Variants in LYRM4 observed in about 807,000 individuals in gnomAD.
LYRM4 encodes the protein LYR motif containing 4.
In LYRM4, 9 loss-of-function variants were observed where a neutral mutation model predicts 11.7. That is an observed-to-expected ratio of 0.77 (90% CI 0.46 to 1.34). LYRM4 has a LOEUF of 1.34. Among genes scored for constraint, LYRM4 ranks in the 40% most tolerant of loss-of-function variants. LYRM4 has a pLI of 0.00. For synonymous variants in LYRM4, 42 were observed against 40.4 expected (o/e 1.04, Z -0.15); for missense variants, 133 against 112.5 (o/e 1.18, Z -0.82).
chr6:5,091,109 A>G, the LYRM4 span, among the ~76,000 whole-genome samples: 1 of 152,200 alleles, frequency 6.6e-6, no homozygotes, highest in African/African-American at 2.4e-5. Context: ...AACTGGCAAC[A>G]CGGATTATTT....
At chr6:5,085,684 C>T in the LYRM4 span, 2 of 1,548,210 alleles carry the variant, frequency 1.3e-6, no homozygotes, top group East Asian at 2.5e-5. Flanking sequence ...AGAGGCCGCC[C>T]CCCAGGAGCA....
the LYRM4 span, among the ~76,000 whole-genome samples, chr6:5,036,360 G>C: frequency 1.3e-5 from 2 of 152,112 alleles, no homozygotes; most frequent in Non-Finnish European, 2.9e-5. Context: ...AAAAAACAGA[G>C]AGCGCCTCAG....
the LYRM4 span, chr6:5,086,658 G>A: frequency 1.8e-6 from 2 of 1,087,758 alleles, no homozygotes; most frequent in Non-Finnish European, 2.6e-6. Flanking sequence ...TTTGCTGAGC[G>A]TGGCGAGTCT....
At chr6:5,037,015 T>TAAAATCTGCTTCAAATGTTTGGG in the LYRM4 span, among the ~76,000 whole-genome samples, 2 of 41,062 alleles carry the variant, frequency 4.9e-5, no homozygotes, top group Admixed American at 6.0e-4. Flanking sequence ...TTGTATTTTT[T>TAAAATCTGCTTCAAATGTTTGGG]TTTTTTTTTT....
At chr6:5,226,157 G>A (rs536042839) in intron 1 of LYRM4, among the ~76,000 whole-genome samples, 3 of 152,028 alleles carry the variant, frequency 2.0e-5, no homozygotes, top group East Asian at 3.9e-4. Flanking sequence ...TGTGTGGTCC[G>A]GTGTACCAAA....
the LYRM4 span, among the ~76,000 whole-genome samples, chr6:5,051,743 G>T: frequency 4.6e-5 from 7 of 152,112 alleles, no homozygotes; most frequent in Non-Finnish European, 7.4e-5. Context: ...GAAAAAAGAA[G>T]TTTATTTGGC....
At chr6:5,085,138 C>A in the LYRM4 span, 6 of 309,030 alleles carry the variant, frequency 1.9e-5, no homozygotes, top group Non-Finnish European at 3.0e-5. Flanking sequence ...CAGAAAGTCG[C>A]CCCCCGCATT....
the LYRM4 span, chr6:5,086,671 C>A: frequency 1.1e-6 from 1 of 905,116 alleles, no homozygotes; most frequent in Non-Finnish European, 1.6e-6. Context: ...GCGAGTCTGG[C>A]GTGAGGGGCG....
chr6:5,099,060 T>C (rs1472312095), downstream of LYRM4, among the ~76,000 whole-genome samples: 1 of 152,152 alleles, frequency 6.6e-6, no homozygotes, highest in East Asian at 1.9e-4. The surrounding 1 kb of genome is among the most constrained non-coding windows in gnomAD (Gnocchi z 4.3). Flanking sequence ...AGCGCATCTC[T>C]CAGAGGTTCT....
chr6:5,042,270 G>A, the LYRM4 span, among the ~76,000 whole-genome samples: 1 of 151,698 alleles, frequency 6.6e-6, no homozygotes, highest in African/African-American at 2.4e-5. Flanking sequence ...TTTTAATTTG[G>A]TTGAATGTTT....
the LYRM4 span, among the ~76,000 whole-genome samples, chr6:5,040,010 A>G: frequency 0.66 from 100,955 of 152,120 alleles, 36,373 homozygotes; most frequent in East Asian, 0.95. Context: ...AAATATATTT[A>G]AGAAATTAAT....
intron 2 of LYRM4, among the ~76,000 whole-genome samples, chr6:5,147,959 C>T (rs1214368039): frequency 3.3e-5 from 5 of 152,182 alleles, no homozygotes; most frequent in African/African-American, 1.2e-4. Flanking sequence ...TGGTTCTCTC[C>T]ACATGGAGCG....
downstream of LYRM4, chr6:5,106,201 G>C (rs561671696): frequency 6.6e-6 from 1 of 152,374 alleles, no homozygotes; most frequent in South Asian, 2.1e-4. Context: ...GCTAGACACA[G>C]GCTTTATGAA....
intron 1 of LYRM4, among the ~76,000 whole-genome samples, chr6:5,247,735 T>G (rs1450765351): frequency 2.0e-5 from 3 of 151,938 alleles, no homozygotes; most frequent in African/African-American, 7.3e-5. Context: ...AACAAAAGAA[T>G]AAATACATAC....
rs1250561131 is a variant in LYRM4, at chr6:5,260,879, C to G, written c.-146G>C. 2.1e-6 allele frequency: 3 copies of G among 1,428,460 alleles called. No individual in the cohort carries two copies. In the African/African-American group the frequency reaches 4.4e-5, roughly 21 times the overall value. 88.5% of individuals were successfully genotyped at this position (1,428,460 alleles called of 1,614,324 possible). ...CCAGCGGGCCGGGCCTAAGCCTAAG[C>G]GGGCAGCCCTGCGGATCGCGGACGG... On this transcript the variant is annotated 5_prime_UTR_variant, in exon 1 of 3. Coordinates refer to ENST00000330636, the MANE Select transcript of LYRM4 (RefSeq NM_020408.6).
rs1179271415 is a variant in LYRM4, at chr6:5,260,869, T to A, written c.-136A>T. 1.1e-5 allele frequency: 16 copies of A among 1,459,324 alleles called. No homozygotes were observed. Among genetic ancestry groups the A allele is most frequent in the Non-Finnish European group, 1.4e-5 (16 of 1,111,432 alleles). 90.4% of individuals were successfully genotyped at this position (1,459,324 alleles called of 1,614,324 possible). A position where few individuals can be genotyped will look rare whatever the true frequency, so the allele number is the denominator to read the frequency against. On this transcript the variant is annotated 5_prime_UTR_variant, in exon 1 of 3. Transcript: ENST00000330636. Reference sequence around the variant, plus strand: ...CTCGGCTTTGCCAGCGGGCCGGGCCTAAGCCTAAGCGGGCAGCCCTGCGGA... The same window carrying A: ...CTCGGCTTTGCCAGCGGGCCGGGCCAAAGCCTAAGCGGGCAGCCCTGCGGA...
chr6:5,182,778 C>A (rs62385014), intron 2 of LYRM4, among the ~76,000 whole-genome samples: 2,717 of 152,254 alleles, frequency 0.018, 39 homozygotes, highest in Non-Finnish European at 0.029. Flanking sequence ...CTGTATAACA[C>A]CTGAATTACT....
At chr6:5,132,650 T>G (rs1281093512) in intron 2 of LYRM4, 1 of 152,190 alleles carries the variant, frequency 6.6e-6, no homozygotes, top group Non-Finnish European at 1.5e-5. Flanking sequence ...TTCAGGATAT[T>G]AACGAGTAAT....
the LYRM4 span, among the ~76,000 whole-genome samples, chr6:5,075,378 T>G: frequency 6.6e-6 from 1 of 152,124 alleles, no homozygotes; most frequent in Admixed American, 6.5e-5. Flanking sequence ...TAGGGGAAGC[T>G]CTGCAGAAAA....
Sources: gnomAD v4.1 joint callset for allele counts (sites outside exome capture counted in the v4.1 genomes callset) on GRCh38, gnomAD v4.1.1 for gene constraint, Gnocchi (gnomAD v3.1) non-coding constraint, MANE v1.5 for transcripts, NCBI Gene and HGNC (gene_info 2026-07-23, HGNC 2026-07-21) for gene names.